The following DDOST variants were observed in gnomAD, a reference collection of about 807,000 sequenced individuals.
DDOST encodes dolichyl-diphosphooligosaccharide--protein glycosyltransferase non-catalytic subunit.
A neutral mutation model predicts 47.6 loss-of-function variants in DDOST; 25 were observed. That is an observed-to-expected ratio of 0.53 (90% CI 0.38 to 0.73). The LOEUF is 0.73. Ranked by LOEUF, DDOST falls within the 30% of genes least tolerant of loss-of-function variation. The probability of loss-of-function intolerance (pLI) is 0.00; values close to 1 mark genes in which losing one functional copy is unlikely to be tolerated. For synonymous variants in DDOST, 275 were observed against 236.0 expected (o/e 1.17, Z -1.51); for missense variants, 526 against 573.9 (o/e 0.92, Z 0.85).
At chr1:20,655,337 C>T (rs1031253045) in intron 5 of DDOST, 103 bp downstream of exon 5, 44 of 819,464 alleles carry the variant, frequency 5.4e-5, no homozygotes, top group African/African-American at 1.4e-4. Flanking sequence ...ATCCCATCTA[C>T]GTACCCTTAA....
chr1:20,654,412 A>G, intron 6 of DDOST, 41 bp from the exon 7 acceptor site: 2 of 1,549,824 alleles, frequency 1.3e-6, no homozygotes, highest in Non-Finnish European at 1.7e-6. Flanking sequence ...AGTTCCAAGT[A>G]AGGGAAAAGC....
intron 2 of DDOST, among the ~76,000 whole-genome samples, chr1:20,658,370 G>T (rs1354232930): frequency 6.6e-6 from 1 of 152,214 alleles, no homozygotes; most frequent in Non-Finnish European, 1.5e-5. Context: ...TGGGACGAGG[G>T]CAGGGCCCTG....
At chr1:20,654,171 T>C in intron 7 of DDOST, 52 bp downstream of exon 7, 1 of 1,547,024 alleles carries the variant, frequency 6.5e-7, no homozygotes. Context: ...CCTCCCCATA[T>C]ACACACACTG....
At chr1:20,655,164 T>TTTTTTTG in intron 5 of DDOST, among the ~76,000 whole-genome samples, 1 of 50,798 alleles carries the variant, frequency 2.0e-5, no homozygotes, top group Non-Finnish European at 3.9e-5. Flanking sequence ...TCGGCCAACT[T>TTTTTTTG]TTTTTTGTTT....
intron 2 of DDOST, among the ~76,000 whole-genome samples, chr1:20,658,212 G>A (rs1190835942): frequency 2.0e-5 from 3 of 152,226 alleles, no homozygotes; most frequent in Non-Finnish European, 4.4e-5. Flanking sequence ...GGGTATAGAG[G>A]ATGTGCTGAA....
intron 8 of DDOST, 113 bp downstream of exon 8, chr1:20,653,514 C>T: frequency 8.8e-7 from 1 of 1,137,042 alleles, no homozygotes; most frequent in Admixed American, 2.8e-5. Context: ...TTAACTTATT[C>T]ATCTTTATTT....
At position 20,652,271 on chromosome 1, in the gene DDOST, AGTT is replaced by A; in HGVS notation, c.*105_*107del. The A allele has an allele frequency of 8.5e-7, 1 of 1,170,996 alleles. No homozygotes were observed. Among genetic ancestry groups the A allele is most frequent in the South Asian group, 1.7e-5 (1 of 58,918 alleles). 72.5% of individuals were successfully genotyped at this position (1,170,996 alleles called of 1,614,324 possible). On this transcript the variant is annotated 3_prime_UTR_variant, in exon 11 of 11. Coordinates refer to ENST00000602624, the MANE Select transcript of DDOST (RefSeq NM_005216.5). Reference sequence around the variant, plus strand: ...AGTGTTGCATCTCCCACAGAGGTAAAGTTGTGCCATTTTCCCACGGCTTTAAAC... The same window carrying A: ...AGTGTTGCATCTCCCACAGAGGTAAAGTGCCATTTTCCCACGGCTTTAAAC...
chr1:20,659,361 T>C (rs16824370), intron 2 of DDOST, among the ~76,000 whole-genome samples: 1,854 of 152,226 alleles, frequency 0.012, 27 homozygotes, highest in African/African-American at 0.041. Flanking sequence ...CATTCACTGC[T>C]TTTTTCCTTC....
At chr1:20,661,025 G>T (rs752956398) in intron 1 of DDOST, 34 bp from the exon 2 acceptor site, 7 of 1,535,896 alleles carry the variant, frequency 4.6e-6, no homozygotes, top group Non-Finnish European at 6.3e-6. Flanking sequence ...TGAGGAAGAC[G>T]GGACGCGAAG....
intron 7 of DDOST, 28 bp from the exon 8 acceptor site, chr1:20,653,802 G>A: frequency 3.1e-6 from 5 of 1,603,054 alleles, no homozygotes; most frequent in South Asian, 1.1e-5. Flanking sequence ...GAGCAGCTTG[G>A]GCACCAGAGC....
chr1:20,654,685 G>C lies in DDOST; in HGVS notation c.574C>G (p.Pro192Ala), dbSNP rs778443667. Residue 192 changes from proline to alanine, a missense_variant, in exon 6 of 11, where the codon CCT becomes GCT. Transcript: ENST00000602624. ...GVGMVADPDN[P>A]LVLDILTGSS... is the part of the protein sequence containing the mutation. ...CCCGTCAGGATGTCCAGCACCAAAG[G>C]GTTATCAGGATCGGCCACCATCCTG... 2 of 1,560,184 alleles carry C rather than the reference G, an allele frequency of 1.3e-6. No homozygotes were observed. The highest frequency in any genetic ancestry group is 4.8e-5 in the East Asian group (2 of 41,880).
At chr1:20,658,856 C>CTTTT (rs112536606) in intron 2 of DDOST, among the ~76,000 whole-genome samples, 1 of 132,820 alleles carries the variant, frequency 7.5e-6, no homozygotes, top group Non-Finnish European at 1.6e-5. Context: ...TTTCTCTTTT[C>CTTTT]TTTTTTTTTT....
At position 20,653,717 on chromosome 1, in the gene DDOST, C is replaced by T. The variant is rs762664774; in HGVS notation, c.852G>A (p.Lys284=). Residue 284 remains lysine, a synonymous_variant, in exon 8 of 11, where the codon AAG becomes AAA. Transcript: ENST00000602624. ...GCCCCACACGGAGGACACCCTCCTC[C>T]TTGAACACCCAGCGGGAGAGGGCCA... ...LAVALSRWVF[K]EEGVLRVGPV... 4 of 1,614,122 alleles carry T rather than the reference C, an allele frequency of 2.5e-6. No homozygotes were observed. Among genetic ancestry groups the T allele is most frequent in the Middle Eastern group, 1.6e-4 (1 of 6,062 alleles).
Position 20,660,925 on chromosome 1 carries a change from T to G in DDOST, c.221A>C (p.Glu74Ala). ...AATGATGAGATTGTCATAGAGGAAT[T>G]CCCCATACTTTATGAGAGACAGGCT... Reference protein sequence around the residue: ...DPSLSLIKYGEFLYDNLIIFS... With the variant: ...DPSLSLIKYGAFLYDNLIIFS... Residue 74 changes from glutamate (E) to alanine (A), a missense_variant, in exon 2 of 11, where the codon GAA (glutamate) becomes GCA (alanine). By Grantham distance (107) the Glu-to-Ala change is moderately radical. Transcript: ENST00000602624. 1 of 1,613,512 alleles carries G rather than the reference T, an allele frequency of 6.2e-7. No homozygotes were observed. The highest frequency in any genetic ancestry group is 8.5e-7 in the Non-Finnish European group (1 of 1,179,538).
chr1:20,659,364 T>C (rs2053411949), intron 2 of DDOST, among the ~76,000 whole-genome samples: 1 of 152,144 alleles, frequency 6.6e-6, no homozygotes, highest in African/African-American at 2.4e-5. Context: ...TCACTGCTTT[T>C]TTCCTTCTGA....
chr1:20,655,854 G>T, intron 3 of DDOST, 75 bp from the exon 4 acceptor site: 1 of 1,254,328 alleles, frequency 8.0e-7, no homozygotes, highest in Non-Finnish European at 1.2e-6. Flanking sequence ...GCTTCCTTGT[G>T]ACTCCCTCTC....
Position 20,660,981 on chromosome 1 carries a change from A to G in DDOST, c.165T>C (p.Phe55=). ...LFFRSLKDRG[F]ELTFKTADDP... ...CATCAGCGGTCTTGAATGTGAGCTCAAAGCCCCGGTCTGGACAAGAAAAAA... is the reference window on the plus strand; with the variant it reads ...CATCAGCGGTCTTGAATGTGAGCTCGAAGCCCCGGTCTGGACAAGAAAAAA... The change falls in exon 2 of 11, where the codon TTT becomes TTC. Residue 55 remains phenylalanine (F), a synonymous_variant. Transcript: ENST00000602624. The G allele has an allele frequency of 1.9e-6, 3 of 1,612,922 alleles. No homozygotes were observed. Among genetic ancestry groups the G allele is most frequent in the Middle Eastern group, 1.7e-4 (1 of 6,060 alleles).
rs1470878465 is a variant in DDOST at position 20,654,447 on chromosome 1, C to A, written c.646-76G>T. 4 of 1,519,352 alleles carry A rather than the reference C, an allele frequency of 2.6e-6. No individual in the cohort carries two copies. The African/African-American group carries it at 5.5e-5, about 21-fold the overall frequency. 94.1% of individuals were successfully genotyped at this position (1,519,352 alleles called of 1,614,324 possible). On this transcript the variant is annotated intron_variant, in intron 6 of 10. Coordinates refer to ENST00000602624, the MANE Select transcript of DDOST (RefSeq NM_005216.5). Reference sequence around the variant, plus strand: ...CTGCCACGCCTCCCGAACAAGAGGACAGCAGGCCAGACCAAAACGACCCTG... The same window carrying A: ...CTGCCACGCCTCCCGAACAAGAGGAAAGCAGGCCAGACCAAAACGACCCTG...
chr1:20,654,971 T>C (rs1459692731), intron 5 of DDOST, among the ~76,000 whole-genome samples: 3 of 152,152 alleles, frequency 2.0e-5, no homozygotes, highest in African/African-American at 7.2e-5. Flanking sequence ...GCAATTCTCT[T>C]GCATCAGCCT....
Sources: gnomAD v4.1 joint callset for allele counts (sites outside exome capture counted in the v4.1 genomes callset) on GRCh38, gnomAD v4.1.1 for gene constraint, MANE v1.5 for transcripts, NCBI Gene and HGNC (gene_info 2026-07-23, HGNC 2026-07-21) for gene names.